GDAP2: variants seen among roughly 807,000 people sequenced by gnomAD.
The protein encoded by GDAP2 is ganglioside-induced differentiation-associated protein 2.
In GDAP2, 51 loss-of-function variants were observed where a neutral mutation model predicts 67.0. The ratio of observed to expected loss-of-function variants is 0.76; its 90% CI spans 0.61 to 0.96. The LOEUF is 0.96. Among genes scored for constraint, GDAP2 ranks in the 40% least tolerant of loss-of-function variants. The pLI is 0.00. For missense variants in GDAP2, 547 were observed against 588.3 expected (o/e 0.93, Z 0.73); for synonymous variants, 203 against 207.3 (o/e 0.98, Z 0.18).
chr1:117,905,725 A>G (rs1054181207), intron 6 of GDAP2, among the ~76,000 whole-genome samples: 1 of 152,214 alleles, frequency 6.6e-6, no homozygotes, highest in South Asian at 2.1e-4. Flanking sequence ...TCACTGGAAG[A>G]TTCTATGTAT....
Position 117,870,244 on chromosome 1 carries a change from T to G in GDAP2, c.*325A>C. 1 of 353,338 alleles carries G rather than the reference T, an allele frequency of 2.8e-6. No homozygotes were observed. The highest frequency in any genetic ancestry group is 5.2e-6 in the Non-Finnish European group (1 of 192,426). 21.9% of individuals were successfully genotyped at this position (353,338 alleles called of 1,614,324 possible). A position where few individuals can be genotyped will look rare whatever the true frequency, so the allele number is the denominator to read the frequency against. On this transcript the variant is annotated 3_prime_UTR_variant, in exon 14 of 14. Coordinates refer to ENST00000369443, the MANE Select transcript of GDAP2 (RefSeq NM_017686.4). ...GTTAGAGAGATGATGTGAACAGTCTTGGTGGTTTATCTAATGGAGAATTCG... is the reference window on the plus strand; with the variant it reads ...GTTAGAGAGATGATGTGAACAGTCTGGGTGGTTTATCTAATGGAGAATTCG...
At chr1:117,874,054 T>C (rs1010904529) in intron 13 of GDAP2, among the ~76,000 whole-genome samples, 1 of 152,348 alleles carries the variant, frequency 6.6e-6, no homozygotes, top group South Asian at 2.1e-4. Flanking sequence ...CTTCACTGAC[T>C]ACAAAGCCAA....
At chr1:117,927,436 C>T (rs997823108) in intron 1 of GDAP2, among the ~76,000 whole-genome samples, 10 of 152,088 alleles carry the variant, frequency 6.6e-5, no homozygotes, top group Admixed American at 1.3e-4. Flanking sequence ...AACTTTTAAC[C>T]TGTTTACCTG....
chr1:117,908,024 T>C (rs1570986406), intron 5 of GDAP2, among the ~76,000 whole-genome samples: 1 of 152,010 alleles, frequency 6.6e-6, no homozygotes, highest in Non-Finnish European at 1.5e-5. Context: ...ATTCAAAACA[T>C]ACCACTTACT....
At chr1:117,913,667 T>A (rs749512227) in intron 3 of GDAP2, among the ~76,000 whole-genome samples, 48 of 152,196 alleles carry the variant, frequency 3.2e-4, no homozygotes, top group African/African-American at 1.1e-3. Context: ...CTGGGGAAGT[T>A]CCCCAATAAA....
In GDAP2 at chr1:117,912,516, T is replaced by C. The variant is rs746071088; in HGVS notation, c.470+14A>G. The C allele has an allele frequency of 4.4e-6, 7 of 1,607,256 alleles. No homozygotes were observed. In the East Asian group the frequency reaches 6.7e-5, roughly 15 times the overall value. ...TGTATGATATGCTATGTCCAGAAAA[T>C]GAGTAGACCATACTTTGCTAGTTGA... On this transcript the variant is annotated intron_variant, in intron 4 of 13. Transcript: ENST00000369443.
chr1:117,901,197 C>A (rs571753158), intron 6 of GDAP2, among the ~76,000 whole-genome samples: 2 of 152,292 alleles, frequency 1.3e-5, no homozygotes, highest in East Asian at 3.9e-4. Flanking sequence ...TTTTTTACGG[C>A]TGAATAATAT....
At chr1:117,921,667 T>C (rs1321959914) in intron 1 of GDAP2, among the ~76,000 whole-genome samples, 1 of 152,164 alleles carries the variant, frequency 6.6e-6, no homozygotes, top group East Asian at 1.9e-4. Flanking sequence ...TTGTAAACTA[T>C]GGTAAGAAGT....
intron 1 of GDAP2, among the ~76,000 whole-genome samples, chr1:117,929,126 G>A (rs1028764553): frequency 6.6e-6 from 1 of 152,104 alleles, no homozygotes; most frequent in East Asian, 1.9e-4. Context: ...TTGTCTTTGG[G>A]ACTACAACCA....
intron 13 of GDAP2, among the ~76,000 whole-genome samples, chr1:117,876,101 T>C (rs1481766363): frequency 6.6e-6 from 1 of 152,172 alleles, no homozygotes; most frequent in Non-Finnish European, 1.5e-5. Context: ...CTAAACCTCA[T>C]GTTAAAACCT....
intron 8 of GDAP2, among the ~76,000 whole-genome samples, chr1:117,895,678 C>A (rs1337618328): frequency 6.6e-6 from 1 of 152,124 alleles, no homozygotes; most frequent in Non-Finnish European, 1.5e-5. Flanking sequence ...ACTGTGACTG[C>A]CTCACTTGGA....
At position 117,920,205 on chromosome 1, in the gene GDAP2, G is replaced by A. The variant is rs200748990; in HGVS notation, c.153C>T (p.Asp51=). The A allele has an allele frequency of 2.2e-5, 36 of 1,601,694 alleles. No individual in the cohort carries two copies. Among genetic ancestry groups the A allele is most frequent in the Middle Eastern group, 1.7e-4 (1 of 6,052 alleles). Residue 51 remains aspartate, a synonymous_variant, in exon 2 of 14, where the codon GAC becomes GAT. Coordinates refer to ENST00000369443, the MANE Select transcript of GDAP2 (RefSeq NM_017686.4). ...TVRSPFLYNK[D]VNGKVVLWKG... is the part of the protein sequence containing the mutation. ...ACCAAAGAACCACTTTTCCATTGAC[G>A]TCCTTATTATAAAGAAAAGGTGATC...
intron 13 of GDAP2, among the ~76,000 whole-genome samples, chr1:117,875,809 C>A (rs1347527276): frequency 3.3e-5 from 5 of 152,188 alleles, no homozygotes; most frequent in Non-Finnish European, 7.3e-5. Flanking sequence ...TTTCTTTTGG[C>A]CTGTTCCTCT....
chr1:117,889,507 TTC>T (rs1419831262), intron 8 of GDAP2, among the ~76,000 whole-genome samples: 2 of 152,056 alleles, frequency 1.3e-5, no homozygotes, highest in Admixed American at 6.6e-5. Flanking sequence ...AACCACTTTA[TTC>T]TCTGTTTTTC....
chr1:117,908,172 C>T (rs1320679515), intron 5 of GDAP2, among the ~76,000 whole-genome samples: 2 of 152,002 alleles, frequency 1.3e-5, no homozygotes, highest in African/African-American at 4.8e-5. Context: ...CTTTATGCCC[C>T]TCCTAGAATC....
chr1:117,893,302 A>G (rs1355994238), intron 8 of GDAP2, among the ~76,000 whole-genome samples: 1 of 152,188 alleles, frequency 6.6e-6, no homozygotes, highest in African/African-American at 2.4e-5. Flanking sequence ...TAATTTTGGT[A>G]AGTAAACCAA....
In GDAP2 at chr1:117,866,412, A is replaced by G. The variant is rs938764227; in HGVS notation, c.*4157T>C. On this transcript the variant is annotated 3_prime_UTR_variant, in exon 14 of 14. Transcript: ENST00000369443. ...ACCCAGTTTACGGTATTCACCCAAA[A>G]TGACTAAGGTAAGGTAAAGCCCTCC... The G allele has an allele frequency of 6.6e-6, 1 of 152,150 alleles. No individual in the cohort carries two copies. Among genetic ancestry groups the G allele is most frequent in the African/African-American group, 2.4e-5 (1 of 41,432 alleles). 9.4% of individuals were successfully genotyped at this position (152,150 alleles called of 1,614,324 possible). A position where few individuals can be genotyped will look rare whatever the true frequency, so the allele number is the denominator to read the frequency against.
intron 6 of GDAP2, among the ~76,000 whole-genome samples, chr1:117,901,402 ATAGGGT>A (rs1649464627): frequency 6.6e-6 from 1 of 152,238 alleles, no homozygotes; most frequent in Non-Finnish European, 1.5e-5. Context: ...CTGCTGCATT[ATAGGGT>A]AACTCTATGT....
At chr1:117,884,502 T>C (rs927317101) in intron 10 of GDAP2, among the ~76,000 whole-genome samples, 1 of 152,298 alleles carries the variant, frequency 6.6e-6, no homozygotes, top group East Asian at 1.9e-4. Context: ...TGGATTAACA[T>C]GGACTAGGAT....
Sources: gnomAD v4.1 joint callset for allele counts (sites outside exome capture counted in the v4.1 genomes callset) on GRCh38, gnomAD v4.1.1 for gene constraint, MANE v1.5 for transcripts, NCBI Gene and HGNC (gene_info 2026-07-23, HGNC 2026-07-21) for gene names.